Variants in PARP6 observed in about 807,000 individuals in gnomAD.
The protein encoded by PARP6 is protein mono-ADP-ribosyltransferase PARP6.
Under a neutral mutation model 92.0 loss-of-function variants are expected in PARP6, and 27 were observed. The observed-to-expected ratio is 0.29, with a 90% confidence interval of 0.22 to 0.40. The LOEUF is 0.40. Among genes scored for constraint, PARP6 ranks in the 10% least tolerant of loss-of-function variants. The pLI is 1.00. For missense variants in PARP6, 501 were observed against 784.5 expected, an observed-to-expected ratio of 0.64 and a Z score of 4.32; for synonymous variants, 272 against 281.2, an observed-to-expected ratio of 0.97 and a Z score of 0.33.
Position 72,241,228 on chromosome 15 carries a change from T to C in PARP6, c.*227A>G. 1 of 661,016 alleles carries C rather than the reference T, an allele frequency of 1.5e-6. No homozygotes were observed. The highest frequency in any genetic ancestry group is 1.5e-5 in the South Asian group (1 of 66,350). 40.9% of individuals were successfully genotyped at this position (661,016 alleles called of 1,614,324 possible). A position where few individuals can be genotyped will look rare whatever the true frequency, so the allele number is the denominator to read the frequency against. On this transcript the variant is annotated 3_prime_UTR_variant, in exon 24 of 24. Transcript: ENST00000569795. This position sits in a 1 kb window ranked among gnomAD's most constrained non-coding sequence, Gnocchi z 4.1. The stretch of plus-strand genomic sequence containing the variant: ...TTTATTGTTTTATTTACAAACAGGG[T>C]GAAGTCAAAGGGAAAGTCAGGGGAT...
chr15:72,256,244 G>A (rs2085111132), intron 14 of PARP6, among the ~76,000 whole-genome samples: 1 of 152,068 alleles, frequency 6.6e-6, no homozygotes, highest in Non-Finnish European at 1.5e-5. Context: ...GGTCTGTCTG[G>A]CTCCAAAAGC....
At chr15:72,262,567 C>T (rs987386855) in intron 8 of PARP6, among the ~76,000 whole-genome samples, 3 of 152,178 alleles carry the variant, frequency 2.0e-5, no homozygotes, top group Non-Finnish European at 2.9e-5. Flanking sequence ...GCCTTCCCAT[C>T]CCCATACAAA....
Position 72,241,460 on chromosome 15 carries a change from T to C in PARP6, c.1888A>G (p.Asn630Asp). The C allele has an allele frequency of 6.2e-7, 1 of 1,613,660 alleles. No homozygotes were observed. Among genetic ancestry groups the C allele is most frequent in the Non-Finnish European group, 8.5e-7 (1 of 1,179,538 alleles). ...MRVIGTQVYT[N>D] ...GTACGAGGGCTGGGGCCCCCTCAGT[T>C]TGTGTAAACCTGAGTTCCGATCACA... Residue 630 changes from asparagine to aspartate, a missense_variant, in exon 24 of 24, where the codon AAC becomes GAC. Coordinates refer to ENST00000569795, the MANE Select transcript of PARP6 (RefSeq NM_001323532.2). This position sits in a 1 kb window ranked among gnomAD's most constrained non-coding sequence, Gnocchi z 4.1.
Position 72,270,269 on chromosome 15 carries a change from T to TA in PARP6, c.-195+753dup. The stretch of plus-strand genomic sequence containing the variant: ...TTAAAATACTACCCTGGCACACACA[T>TA]AAAAAAAGGAGGGAGGATAACAGAT... On this transcript the variant is annotated intron_variant, in intron 2 of 23. Transcript: ENST00000569795. 2.1e-5 allele frequency among the ~76,000 whole-genome samples: 2 copies of TA among 93,552 alleles called. 1 individual carries two copies. The highest frequency in any genetic ancestry group is 7.2e-4 in the South Asian group (2 of 2,766). The allele number at this position is 93,552 out of a possible 152,430, so 61.4% of individuals were successfully genotyped here.
intron 20 of PARP6, 34 bp downstream of exon 20, chr15:72,249,211 A>C (rs1005095418): frequency 7.8e-7 from 1 of 1,286,540 alleles, no homozygotes; most frequent in African/African-American, 1.5e-5. Context: ...AGGCAATGTA[A>C]ATAGAGTCAA....
chr15:72,253,630 G>C, intron 15 of PARP6, 126 bp from the exon 16 acceptor site: 1 of 759,534 alleles, frequency 1.3e-6, no homozygotes, highest in Non-Finnish European at 2.3e-6. Context: ...AGAGGAAAAA[G>C]GAGATAGGGT....
chr15:72,253,971 T>C (rs1464840635), intron 15 of PARP6: 6 of 451,832 alleles, frequency 1.3e-5, no homozygotes. Flanking sequence ...TACAAATGAA[T>C]GTCTATTCAT....
intron 8 of PARP6, among the ~76,000 whole-genome samples, chr15:72,263,038 G>T (rs1261737574): frequency 1.3e-5 from 2 of 152,076 alleles, no homozygotes; most frequent in African/African-American, 4.8e-5. Flanking sequence ...GTAGCAAATT[G>T]ACATTTCGGA....
At chr15:72,251,041 A>G in intron 17 of PARP6, 87 bp from the exon 18 acceptor site, 1 of 1,083,314 alleles carries the variant, frequency 9.2e-7, no homozygotes, top group Non-Finnish European at 1.4e-6. Flanking sequence ...GGAAAAAATC[A>G]GGCTTGCATT....
chr15:72,253,623 G>C lies in PARP6; in HGVS notation c.1192-119C>G, dbSNP rs1470206962. ...AGGTAGGCACCAAAGGCCACACAGA[G>C]GAAAAAGGAGATAGGGTTCCCACCC... On this transcript the variant is annotated intron_variant, in intron 15 of 23. Coordinates refer to ENST00000569795, the MANE Select transcript of PARP6 (RefSeq NM_001323532.2). 4 of 783,242 alleles carry C rather than the reference G, an allele frequency of 5.1e-6. No homozygotes were observed. The Admixed American group carries it at 8.2e-5, about 16-fold the overall frequency. 48.5% of individuals were successfully genotyped at this position (783,242 alleles called of 1,614,324 possible).
intron 20 of PARP6, among the ~76,000 whole-genome samples, chr15:72,247,780 T>C (rs1458676524): frequency 1.3e-5 from 2 of 152,112 alleles, no homozygotes; most frequent in Admixed American, 1.3e-4. Flanking sequence ...GTAACTCTCT[T>C]ATTACTTTTT....
At chr15:72,251,112 A>G (rs1236528358) in intron 17 of PARP6, 95 bp downstream of exon 17, 3 of 980,000 alleles carry the variant, frequency 3.1e-6, no homozygotes, top group Non-Finnish European at 5.0e-6. Context: ...AGAGCAATGT[A>G]GGCAGATCTA....
In PARP6 at chr15:72,242,886, A is replaced by T. The variant is rs2083214489; in HGVS notation, c.1562-187T>A. 3.5e-6 allele frequency: 2 copies of T among 575,522 alleles called. No homozygotes were observed. The highest frequency in any genetic ancestry group is 6.2e-6 in the Non-Finnish European group (2 of 325,186). The allele number at this position is 575,522 out of a possible 1,614,324, so 35.7% of individuals were successfully genotyped here. The stretch of plus-strand genomic sequence containing the variant: ...AAGTAATTAACAACACAGCATGGTA[A>T]GGGGTTGTGATGCAGATTATAGAGC... On this transcript the variant is annotated intron_variant, in intron 20 of 23. Coordinates refer to ENST00000569795, the MANE Select transcript of PARP6 (RefSeq NM_001323532.2). The surrounding 1 kb of genome is among the most constrained non-coding windows in gnomAD (Gnocchi z 4.3).
At position 72,266,830 on chromosome 15, in the gene PARP6, T is replaced by C; in HGVS notation, c.4-8A>G. On this transcript the variant is annotated splice_region_variant and splice_polypyrimidine_tract_variant and intron_variant, in intron 3 of 23. Transcript: ENST00000569795. ...GAACTGGCCTTTGATGTCCTAGTGGTGAGAAATAAGGATATCATGCTTTGT... is the reference window on the plus strand; with the variant it reads ...GAACTGGCCTTTGATGTCCTAGTGGCGAGAAATAAGGATATCATGCTTTGT... The C allele has an allele frequency of 1.2e-6, 2 of 1,607,628 alleles. No homozygotes were observed. The highest frequency in any genetic ancestry group is 1.7e-6 in the Non-Finnish European group (2 of 1,174,174).
chr15:72,256,615 G>T, intron 13 of PARP6, 25 bp from the exon 14 acceptor site: 2 of 1,492,318 alleles, frequency 1.3e-6, no homozygotes, highest in South Asian at 1.4e-5. Context: ...AAAAAAACAG[G>T]GCAGAAGCTA....
rs554831150 is a variant in PARP6 at position 72,267,644 on chromosome 15, G to T, written c.-167C>A. ...TGATCTGTTGGGGATGGCAGGCTCT[G>T]CTGTTGCGGTGGTAACAAGTCACTG... On this transcript the variant is annotated 5_prime_UTR_variant, in exon 3 of 24. Coordinates refer to ENST00000569795, the MANE Select transcript of PARP6 (RefSeq NM_001323532.2). 2.5e-5 allele frequency: 17 copies of T among 682,462 alleles called. No individual in the cohort carries two copies. In the African/African-American group the frequency reaches 2.5e-4, roughly 10 times the overall value. 42.3% of individuals were successfully genotyped at this position (682,462 alleles called of 1,614,324 possible).
Position 72,259,791 on chromosome 15 carries a change from A to C in PARP6, c.757-130T>G. 5.2e-6 allele frequency: 4 copies of C among 767,330 alleles called. 1 individual carries two copies. In the South Asian group the frequency reaches 5.7e-5, roughly 11 times the overall value. 47.5% of individuals were successfully genotyped at this position (767,330 alleles called of 1,614,324 possible). ...CCTAGCTCAGAATCCCGAAGCTAGAAAGGAGACTTTTAGACATTTTTGCCA... is the reference window on the plus strand; with the variant it reads ...CCTAGCTCAGAATCCCGAAGCTAGACAGGAGACTTTTAGACATTTTTGCCA... On this transcript the variant is annotated intron_variant, in intron 10 of 23. Coordinates refer to ENST00000569795, the MANE Select transcript of PARP6 (RefSeq NM_001323532.2).
At position 72,241,321 on chromosome 15, in the gene PARP6, T is replaced by TTACATATCCTTTTCCTGCCCCTGGG; in HGVS notation, c.*133_*134insCCCAGGGGCAGGAAAAGGATATGTA. 2.8e-6 allele frequency: 2 copies of TTACATATCCTTTTCCTGCCCCTGGG among 722,348 alleles called. No individual in the cohort carries two copies. The highest frequency in any genetic ancestry group is 3.0e-5 in the South Asian group (2 of 67,220). 44.7% of individuals were successfully genotyped at this position (722,348 alleles called of 1,614,324 possible). A position where few individuals can be genotyped will look rare whatever the true frequency, so the allele number is the denominator to read the frequency against. ...CAAGCTCTACCATGAAGGCCACCTC[T>TTACATATCCTTTTCCTGCCCCTGGG]TACATATCCTTTTCCTGCCCCTTGG... On this transcript the variant is annotated 3_prime_UTR_variant, in exon 24 of 24. Transcript: ENST00000569795. The surrounding 1 kb of genome is among the most constrained non-coding windows in gnomAD (Gnocchi z 4.1).
chr15:72,241,766 G>A lies in PARP6; in HGVS notation c.1790+135C>T, dbSNP rs2083081196. The stretch of plus-strand genomic sequence containing the variant: ...CCCATTCCCATCCTCCAATGGTAAA[G>A]TCCCAGTGACAGCTCCACTCAGGTA... On this transcript the variant is annotated intron_variant, in intron 23 of 23. Coordinates refer to ENST00000569795, the MANE Select transcript of PARP6 (RefSeq NM_001323532.2). This position sits in a 1 kb window ranked among gnomAD's most constrained non-coding sequence, Gnocchi z 4.1. 3 of 795,780 alleles carry A rather than the reference G, an allele frequency of 3.8e-6. No individual in the cohort carries two copies. The highest frequency in any genetic ancestry group is 3.0e-5 in the South Asian group (2 of 65,730). 49.3% of individuals were successfully genotyped at this position (795,780 alleles called of 1,614,324 possible).
Sources: allele counts gnomAD v4.1 joint callset (sites outside exome capture counted in the v4.1 genomes callset), GRCh38; gene constraint gnomAD v4.1.1; non-coding constraint Gnocchi (gnomAD v3.1); transcripts MANE v1.5; gene names NCBI Gene and HGNC (gene_info 2026-07-23, HGNC 2026-07-21).